The following SRSF4 variants were observed in gnomAD, a reference collection of about 807,000 sequenced individuals.
SRSF4 encodes the protein serine and arginine rich splicing factor 4, also known as serine/arginine-rich splicing factor 4.
In SRSF4, 12 loss-of-function variants were observed where a neutral mutation model predicts 48.8. That is an observed-to-expected ratio of 0.25 (90% confidence interval 0.16 to 0.40). The LOEUF (loss-of-function observed/expected upper bound fraction) is 0.40, where lower values mean the gene tolerates loss of function less well. Ranked by LOEUF, SRSF4 falls within the 10% of genes least tolerant of loss-of-function variation. The pLI is 1.00. For missense variants in SRSF4, 466 were observed against 667.1 expected, an observed-to-expected ratio of 0.70 and a Z score of 3.32; for synonymous variants, 248 against 232.5, an observed-to-expected ratio of 1.07 and a Z score of -0.61.
intron 1 of SRSF4, chr1:29,172,146 A>G (rs758065383): frequency 1.3e-5 from 2 of 152,192 alleles, no homozygotes; most frequent in Admixed American, 1.3e-4. Context: ...GTGACTTTTA[A>G]TAAAAAAAAA....
intron 1 of SRSF4, among the ~76,000 whole-genome samples, chr1:29,175,929 G>A (rs2151826830): frequency 6.6e-6 from 1 of 152,102 alleles, no homozygotes; most frequent in South Asian, 2.1e-4. Context: ...CAAATGGGAT[G>A]CTATTTCTGA....
rs567738156 is a variant in SRSF4, at chr1:29,174,881, C to T, written c.107+6765G>A. On this transcript the variant is annotated intron_variant, in intron 1 of 5. Coordinates refer to ENST00000373795, the MANE Select transcript of SRSF4 (RefSeq NM_005626.5). Reference sequence around the variant, plus strand: ...TAGAGACAGGGTTTCACCATGTTGGCCAGGATGGTCTCAATCTCTTGACCT... The same window carrying T: ...TAGAGACAGGGTTTCACCATGTTGGTCAGGATGGTCTCAATCTCTTGACCT... Among the ~76,000 whole-genome samples, 5 of 151,248 alleles carry T rather than the reference C, an allele frequency of 3.3e-5. No homozygotes were observed. In the East Asian group the frequency reaches 9.8e-4, roughly 30 times the overall value.
At position 29,158,711 on chromosome 1, in the gene SRSF4, C is replaced by T. The variant is rs1389978018; in HGVS notation, c.363+663G>A. Among the ~76,000 whole-genome samples, 5 of 152,168 alleles carry T rather than the reference C, an allele frequency of 3.3e-5. No homozygotes were observed. The East Asian group carries it at 7.7e-4, about 23-fold the overall frequency. On this transcript the variant is annotated intron_variant, in intron 3 of 5. Transcript: ENST00000373795. ...ATGTCAGCACTTGAGGAGGCTGAGA[C>T]TGAAGGATCACTTGAGGCCAGGAGT...
intron 1 of SRSF4, among the ~76,000 whole-genome samples, chr1:29,175,475 C>T (rs1156607528): frequency 6.6e-6 from 1 of 150,866 alleles, no homozygotes; most frequent in African/African-American, 2.4e-5. Context: ...GCGGGTGGAT[C>T]ATGAGGTCAG....
At chr1:29,151,505 A>C (rs1672407870) in intron 4 of SRSF4, among the ~76,000 whole-genome samples, 1 of 152,136 alleles carries the variant, frequency 6.6e-6, no homozygotes, top group Non-Finnish European at 1.5e-5. Context: ...TCAAACAAAC[A>C]AAAAAACCCA....
chr1:29,153,685 G>A lies in SRSF4; in HGVS notation c.578+1011C>T, dbSNP rs190935925. 2.7e-3 allele frequency among the ~76,000 whole-genome samples: 390 copies of A among 143,408 alleles called. 1 individual carries two copies. Among genetic ancestry groups the A allele is most frequent in the African/African-American group, 7.2e-3 (278 of 38,468 alleles). The allele number at this position is 143,408 out of a possible 152,430, so 94.1% of individuals were successfully genotyped here. A position where few individuals can be genotyped will look rare whatever the true frequency, so the allele number is the denominator to read the frequency against. Reference sequence around the variant, plus strand: ...GTGCGCTTGGCTCACCACAACCTCCGCCTCCCAGGTTCAAGCAATTCTCCT... The same window carrying A: ...GTGCGCTTGGCTCACCACAACCTCCACCTCCCAGGTTCAAGCAATTCTCCT... On this transcript the variant is annotated intron_variant, in intron 4 of 5. Coordinates refer to ENST00000373795, the MANE Select transcript of SRSF4 (RefSeq NM_005626.5).
chr1:29,167,486 G>A (rs1214763046), intron 1 of SRSF4, among the ~76,000 whole-genome samples: 1 of 152,250 alleles, frequency 6.6e-6, no homozygotes, highest in East Asian at 1.9e-4. Flanking sequence ...CCAGGTTCAA[G>A]CAGTTCTCCT....
intron 3 of SRSF4, among the ~76,000 whole-genome samples, chr1:29,157,037 A>G (rs1166651959): frequency 2.0e-5 from 3 of 152,230 alleles, no homozygotes; most frequent in South Asian, 2.1e-4. Context: ...CTTAGACAGC[A>G]TATCTTTAAC....
rs773481108 is a variant in SRSF4, at chr1:29,149,248, T to G, written c.669-22A>C. 2.5e-6 allele frequency: 4 copies of G among 1,600,126 alleles called. No homozygotes were observed. The East Asian group carries it at 8.9e-5, about 36-fold the overall frequency. ...CGACCTGAGGAGACATGGGATACTG[T>G]TTGTGTCACATGTGACTTCATGCTA... On this transcript the variant is annotated intron_variant, in intron 5 of 5. Transcript: ENST00000373795.
Position 29,150,131 on chromosome 1 carries a change from T to C in SRSF4, c.640A>G (p.Ser214Gly), listed in dbSNP as rs1170265103. Residue 214 changes from serine (S) to glycine (G), a missense_variant, in exon 5 of 6, where the codon AGT becomes GGT. Ser to Gly is a moderately conservative substitution (Grantham distance 56). Coordinates refer to ENST00000373795, the MANE Select transcript of SRSF4 (RefSeq NM_005626.5). The stretch of plus-strand genomic sequence containing the variant: ...GACCGAGATCTACTCTTAGAATGAC[T>C]GCTTTTGCTGCTGCCACTTCGGCTT... ...SRSRSGSSKS[S>G]HSKSRSRSRS... is the part of the protein sequence containing the mutation. The C allele has an allele frequency of 4.3e-6, 7 of 1,614,044 alleles. No individual in the cohort carries two copies. The Admixed American group carries it at 1.0e-4, about 23-fold the overall frequency.
At chr1:29,170,716 T>C (rs1672734367) in intron 1 of SRSF4, 1 of 152,232 alleles carries the variant, frequency 6.6e-6, no homozygotes, top group African/African-American at 2.4e-5. Flanking sequence ...TCCATGTTTC[T>C]GGTCTGTGGT....
chr1:29,157,553 T>C (rs1411567175), intron 3 of SRSF4, among the ~76,000 whole-genome samples: 4 of 152,150 alleles, frequency 2.6e-5, no homozygotes, highest in African/African-American at 9.7e-5. Context: ...ATGATGCACC[T>C]GAAAAAACAG....
Position 29,148,301 on chromosome 1 carries a change from G to T in SRSF4, c.*109C>A. The T allele has an allele frequency of 7.2e-7, 1 of 1,379,554 alleles. No individual in the cohort carries two copies. Among genetic ancestry groups the T allele is most frequent in the Non-Finnish European group, 1.0e-6 (1 of 992,492 alleles). The allele number at this position is 1,379,554 out of a possible 1,614,324, so 85.5% of individuals were successfully genotyped here. On this transcript the variant is annotated 3_prime_UTR_variant, in exon 6 of 6. Transcript: ENST00000373795. ...TAACAATTATAGACACACCATTAGG[G>T]GAGTTAAAAATGTACAGCAGTGACA... is the stretch of plus-strand genomic sequence containing the variant.
chr1:29,151,288 C>T (rs1247991714), intron 4 of SRSF4, among the ~76,000 whole-genome samples: 2 of 152,082 alleles, frequency 1.3e-5, no homozygotes, highest in African/African-American at 4.8e-5. Flanking sequence ...GATACAAGTT[C>T]AATGATACTA....
intron 4 of SRSF4, among the ~76,000 whole-genome samples, chr1:29,153,138 T>G (rs1289588311): frequency 6.6e-6 from 1 of 152,052 alleles, no homozygotes; most frequent in East Asian, 1.9e-4. Context: ...GGACCATATT[T>G]GTCTTTTTTT....
At chr1:29,160,026 T>G (rs892945108) in intron 2 of SRSF4, 10 of 200,776 alleles carry the variant, frequency 5.0e-5, no homozygotes, top group Middle Eastern at 2.1e-3. Flanking sequence ...GGTCAGCAAA[T>G]GGAACAGGCA....
intron 1 of SRSF4, among the ~76,000 whole-genome samples, chr1:29,176,901 G>C (rs1672865350): frequency 6.6e-6 from 1 of 152,182 alleles, no homozygotes; most frequent in South Asian, 2.1e-4. Context: ...AGTTTCCCTT[G>C]AGAGTTTTAA....
In SRSF4 at chr1:29,154,724, A is replaced by T. The variant is rs1371319524; in HGVS notation, c.550T>A (p.Ser184Thr). 6.2e-7 allele frequency: 1 copy of T among 1,614,192 alleles called. No homozygotes were observed. Among genetic ancestry groups the T allele is most frequent in the East Asian group, 2.2e-5 (1 of 44,882 alleles). The change falls in exon 4 of 6, where the codon TCC becomes ACC. Residue 184 changes from serine (S) to threonine (T), a missense_variant. Physicochemically the swap from Ser to Thr is moderately conservative, Grantham distance 58. This residue lies in a region of SRSF4 where 402 missense variants were observed against 437.0 expected (regional missense o/e 0.92). Transcript: ENST00000373795. ...EDKPGSRRRR[S>T]YSRSRSHSRS... ...GAATGACTCCGGCTTCTGGAGTAGG[A>T]CCGGCGTCGTCTGGAACCTGGCTTG...
chr1:29,166,533 T>C (rs889198413), intron 1 of SRSF4, among the ~76,000 whole-genome samples: 1 of 152,258 alleles, frequency 6.6e-6, no homozygotes, highest in Non-Finnish European at 1.5e-5. Flanking sequence ...TCAGTGATTA[T>C]GGTTGCAATT....
Sources: allele counts gnomAD v4.1 joint callset (sites outside exome capture counted in the v4.1 genomes callset), GRCh38; gene constraint gnomAD v4.1.1; regional missense constraint gnomAD v4.1.1; transcripts MANE v1.5; gene names NCBI Gene and HGNC (gene_info 2026-07-23, HGNC 2026-07-21).